The following TICRR variants were observed in gnomAD, a reference collection of about 807,000 sequenced individuals.
TICRR encodes TOPBP1 interacting checkpoint and replication regulator, also known as treslin.
Under a neutral mutation model 178.1 loss-of-function variants are expected in TICRR, and 132 were observed. That is an observed-to-expected ratio of 0.74 (90% CI 0.64 to 0.86). The LOEUF (loss-of-function observed/expected upper bound fraction) is 0.86, where lower values mean the gene tolerates loss of function less well. Ranked by LOEUF, TICRR falls within the 40% of genes least tolerant of loss-of-function variation. The pLI, the probability that TICRR is intolerant of heterozygous loss-of-function variation, is 0.00. For synonymous variants in TICRR, 991 were observed against 900.7 expected (o/e 1.10, Z -1.79); for missense variants, 2,587 against 2,334.3 (o/e 1.11, Z -2.23).
intron 16 of TICRR, among the ~76,000 whole-genome samples, chr15:89,617,347 A>T (rs1267170290): frequency 6.6e-6 from 1 of 152,198 alleles, no homozygotes; most frequent in Non-Finnish European, 1.5e-5. Flanking sequence ...TTTTTATAAC[A>T]TCCTTGACAC....
chr15:89,615,360 C>G (rs1010771638), intron 15 of TICRR, among the ~76,000 whole-genome samples: 1 of 152,122 alleles, frequency 6.6e-6, no homozygotes, highest in Non-Finnish European at 1.5e-5. Context: ...TCTGCCCTGT[C>G]CAGAGGCTGC....
At chr15:89,626,867 TTGTG>T in intron 21 of TICRR, 85 bp from the exon 22 acceptor site, 2 of 1,418,530 alleles carry the variant, frequency 1.4e-6, no homozygotes, top group Non-Finnish European at 1.9e-6. Flanking sequence ...AAGTCTGTTT[TTGTG>T]TGTAACCCTC....
Position 89,582,853 on chromosome 15 carries a change from G to C in TICRR, c.822G>C (p.Pro274=), listed in dbSNP as rs757210629. 1 of 1,614,144 alleles carries C rather than the reference G, an allele frequency of 6.2e-7. No homozygotes were observed. The highest frequency in any genetic ancestry group is 1.1e-5 in the South Asian group (1 of 91,086). ...TGTCAAGTGAACCTCATCTTTCTCC[G>C]TGGATTTCAATGCTGCCAACTGATG... ...IKLSSEPHLS[P]WISMLPTDAT... Residue 274 remains proline (P), a synonymous_variant, in exon 2 of 22, where the codon CCG becomes CCC. Coordinates refer to ENST00000268138, the MANE Select transcript of TICRR (RefSeq NM_152259.4).
chr15:89,614,580 C>T (rs1963305476), intron 15 of TICRR, among the ~76,000 whole-genome samples: 1 of 152,236 alleles, frequency 6.6e-6, no homozygotes, highest in Non-Finnish European at 1.5e-5. Context: ...GTCCGCCTGC[C>T]TCAGCCTCCC....
Position 89,625,237 on chromosome 15 carries a change from A to C in TICRR, c.4927A>C (p.Ile1643Leu), listed in dbSNP as rs752259313. The C allele has an allele frequency of 6.2e-7, 1 of 1,613,224 alleles. No individual in the cohort carries two copies. The highest frequency in any genetic ancestry group is 8.5e-7 in the Non-Finnish European group (1 of 1,179,544). Residue 1643 changes from isoleucine (I) to leucine (L), a missense_variant, in exon 20 of 22, where the codon ATC (isoleucine) becomes CTC (leucine). Ile to Leu is a conservative substitution (Grantham distance 5, BLOSUM62 2). Coordinates refer to ENST00000268138, the MANE Select transcript of TICRR (RefSeq NM_152259.4). ...TPGKSRGQTYICQACTPTHGP... is the reference protein window; with the variant it reads ...TPGKSRGQTYLCQACTPTHGP... ...TGGCAAGAGCAGGGGGCAAACCTACATCTGCCAGGCCTGTACCCCCACCCA... is the reference window on the plus strand; with the variant it reads ...TGGCAAGAGCAGGGGGCAAACCTACCTCTGCCAGGCCTGTACCCCCACCCA...
chr15:89,609,351 G>A (rs1185222095), intron 15 of TICRR, among the ~76,000 whole-genome samples: 2 of 151,834 alleles, frequency 1.3e-5, no homozygotes, highest in African/African-American at 2.4e-5. Flanking sequence ...GAGCTCAAGC[G>A]ATCTGCCCTC....
chr15:89,613,734 CTTTTTT>C (rs34162195), intron 15 of TICRR, among the ~76,000 whole-genome samples: 1 of 61,570 alleles, frequency 1.6e-5, no homozygotes, highest in African/African-American at 7.5e-5. Flanking sequence ...TTTCTATTCG[CTTTTTT>C]TTTTTTTTTT....
intron 5 of TICRR, among the ~76,000 whole-genome samples, chr15:89,594,136 C>T (rs1312822660): frequency 1.3e-5 from 2 of 152,152 alleles, no homozygotes; most frequent in South Asian, 2.1e-4. Context: ...CATAATTAGA[C>T]TTGCATCCTA....
intron 15 of TICRR, 26 bp from the exon 16 acceptor site, chr15:89,616,379 T>C (rs1321899577): frequency 2.5e-6 from 4 of 1,602,622 alleles, no homozygotes; most frequent in South Asian, 1.1e-5. Flanking sequence ...ATGAAATTTA[T>C]GATTTAAGCT....
rs542689166 is a variant in TICRR at position 89,625,275 on chromosome 15, T to C, written c.4965T>C (p.Ser1655=). 1.2e-5 allele frequency: 19 copies of C among 1,613,832 alleles called. No homozygotes were observed. The East Asian group carries it at 3.1e-4, about 27-fold the overall frequency. Residue 1655 remains serine (S), a synonymous_variant, in exon 20 of 22, where the codon AGT becomes AGC. Transcript: ENST00000268138. The part of the protein sequence containing the change: ...QACTPTHGPS[S]TPSPFQTDGV... ...GTACCCCCACCCACGGCCCTTCTAG[T>C]ACCCCCTCTCCATTTCAAACAGATG...
At chr15:89,613,192 T>A (rs1458478962) in intron 15 of TICRR, among the ~76,000 whole-genome samples, 1 of 152,234 alleles carries the variant, frequency 6.6e-6, no homozygotes, top group East Asian at 1.9e-4. Flanking sequence ...TGAAGAATAC[T>A]TTCATTGGGT....
At position 89,627,257 on chromosome 15, in the gene TICRR, C is replaced by T. The variant is rs970595766; in HGVS notation, c.*171C>T. ...TTATGGATCCAATCCATCTCCTGGC[C>T]CTGCCCCTTGTTGGGGAAGTTGCAG... On this transcript the variant is annotated 3_prime_UTR_variant, in exon 22 of 22. Transcript: ENST00000268138. 5 of 763,934 alleles carry T rather than the reference C, an allele frequency of 6.5e-6. No homozygotes were observed. The Admixed American group carries it at 1.2e-4, about 18-fold the overall frequency. The allele number at this position is 763,934 out of a possible 1,614,324, so 47.3% of individuals were successfully genotyped here. A position where few individuals can be genotyped will look rare whatever the true frequency, so the allele number is the denominator to read the frequency against.
rs182015368 is a variant in TICRR at position 89,623,033 on chromosome 15, G to C, written c.3313-590G>C. On this transcript the variant is annotated intron_variant, in intron 19 of 21. Transcript: ENST00000268138. Reference sequence around the variant, plus strand: ...CGGGATGAAGGAAGGCTGTAGGAAAGATAAGCATTGATTTCCTTACCTGTT... The same window carrying C: ...CGGGATGAAGGAAGGCTGTAGGAAACATAAGCATTGATTTCCTTACCTGTT... Among the ~76,000 whole-genome samples, 197 of 152,382 alleles carry C rather than the reference G, an allele frequency of 1.3e-3. 1 individual carries two copies. The highest frequency in any genetic ancestry group is 4.4e-3 in the African/African-American group (183 of 41,594).
chr15:89,626,121 G>GT, intron 21 of TICRR, 60 bp downstream of exon 21: 1 of 1,587,878 alleles, frequency 6.3e-7, no homozygotes, highest in East Asian at 2.3e-5. Context: ...ATTCACCAGG[G>GT]TTGCCAGGCA....
In TICRR at chr15:89,624,962, C is replaced by T; in HGVS notation, c.4652C>T (p.Thr1551Ile). The T allele has an allele frequency of 1.2e-6, 2 of 1,614,142 alleles. No homozygotes were observed. Among genetic ancestry groups the T allele is most frequent in the South Asian group, 1.1e-5 (1 of 91,086 alleles). ...CTGCCAGCATCAGCTTGGCATTCCA[C>T]AGACTCTGCCAGCCCACAGACCTAT... ...DNLPASAWHS[T>I]DSASPQTYEV... Residue 1551 changes from threonine (T) to isoleucine (I), a missense_variant, in exon 20 of 22, where the codon ACA becomes ATA. Coordinates refer to ENST00000268138, the MANE Select transcript of TICRR (RefSeq NM_152259.4).
chr15:89,625,232 C>A lies in TICRR; in HGVS notation c.4922C>A (p.Thr1641Asn), dbSNP rs1282291706. ...HSTPGKSRGQTYICQACTPTH... is the reference protein window; with the variant it reads ...HSTPGKSRGQNYICQACTPTH... ...ACACCTGGCAAGAGCAGGGGGCAAA[C>A]CTACATCTGCCAGGCCTGTACCCCC... Residue 1641 changes from threonine (T) to asparagine (N), a missense_variant, in exon 20 of 22, where the codon ACC becomes AAC. Coordinates refer to ENST00000268138, the MANE Select transcript of TICRR (RefSeq NM_152259.4). 6.2e-7 allele frequency: 1 copy of A among 1,613,576 alleles called. No individual in the cohort carries two copies. The highest frequency in any genetic ancestry group is 8.5e-7 in the Non-Finnish European group (1 of 1,179,792).
rs773252713 is a variant in TICRR, at chr15:89,624,969, T to C, written c.4659T>C (p.Ser1553=). Reference sequence around the variant, plus strand: ...CATCAGCTTGGCATTCCACAGACTCTGCCAGCCCACAGACCTATGAGGTTG... The same window carrying C: ...CATCAGCTTGGCATTCCACAGACTCCGCCAGCCCACAGACCTATGAGGTTG... The part of the protein sequence containing the change: ...LPASAWHSTD[S]ASPQTYEVEL... The change falls in exon 20 of 22, where the codon TCT becomes TCC. Residue 1553 remains serine, a synonymous_variant. Coordinates refer to ENST00000268138, the MANE Select transcript of TICRR (RefSeq NM_152259.4). The C allele has an allele frequency of 2.5e-6, 4 of 1,614,114 alleles. No homozygotes were observed. The South Asian group carries it at 4.4e-5, about 18-fold the overall frequency.
At chr15:89,613,966 A>G (rs1963294586) in intron 15 of TICRR, among the ~76,000 whole-genome samples, 1 of 151,922 alleles carries the variant, frequency 6.6e-6, no homozygotes, top group African/African-American at 2.4e-5. Flanking sequence ...CATCCTGGCT[A>G]ACACAGTGAA....
chr15:89,585,848 T>A lies in TICRR; in HGVS notation c.1317T>A (p.Ala439=). The change falls in exon 4 of 22, where the codon GCT becomes GCA. Residue 439 remains alanine (A), a synonymous_variant. Coordinates refer to ENST00000268138, the MANE Select transcript of TICRR (RefSeq NM_152259.4). The stretch of plus-strand genomic sequence containing the variant: ...GACATGTTCTCCAAACAGCTGTGGC[T>A]GACAGCCCCCGGGACACAGCTTCCC... ...FQRHVLQTAV[A]DSPRDTASLF... 1.2e-6 allele frequency: 2 copies of A among 1,614,164 alleles called. No individual in the cohort carries two copies. The highest frequency in any genetic ancestry group is 1.7e-6 in the Non-Finnish European group (2 of 1,180,034).
Sources: gnomAD v4.1 joint callset for allele counts (sites outside exome capture counted in the v4.1 genomes callset) on GRCh38, gnomAD v4.1.1 for gene constraint, MANE v1.5 for transcripts, NCBI Gene and HGNC (gene_info 2026-07-23, HGNC 2026-07-21) for gene names.